BAZ1A: variants seen among roughly 807,000 people sequenced by gnomAD.
The protein encoded by BAZ1A is bromodomain adjacent to zinc finger domain 1A, also known as bromodomain adjacent to zinc finger domain protein 1A.
Under a neutral mutation model 185.2 loss-of-function variants are expected in BAZ1A, and 50 were observed. The observed-to-expected ratio is 0.27, with a 90% CI of 0.22 to 0.34. The LOEUF (loss-of-function observed/expected upper bound fraction) is 0.34, where lower values mean the gene tolerates loss of function less well. BAZ1A is among the 10% of genes least tolerant of loss of function. The pLI, the probability that BAZ1A is intolerant of heterozygous loss-of-function variation, is 1.00. For missense variants in BAZ1A, 1,356 were observed against 1,839.9 expected (o/e 0.74, Z 4.81); for synonymous variants, 571 against 615.6 (o/e 0.93, Z 1.07).
intron 12 of BAZ1A, among the ~76,000 whole-genome samples, chr14:34,791,064 G>C (rs1282981234): frequency 3.3e-5 from 5 of 152,132 alleles, no homozygotes; most frequent in Non-Finnish European, 4.4e-5. Flanking sequence ...GGAGGTTACA[G>C]TGAGTCAAGA....
chr14:34,804,983 T>A (rs1308374040), intron 6 of BAZ1A, among the ~76,000 whole-genome samples: 1 of 152,106 alleles, frequency 6.6e-6, no homozygotes, highest in East Asian at 1.9e-4. Flanking sequence ...TACTCCCCAG[T>A]GTTAAAGGGC....
At chr14:34,802,744 T>G in intron 7 of BAZ1A, 110 bp downstream of exon 7, 12 of 1,169,796 alleles carry the variant, frequency 1.0e-5, no homozygotes, top group South Asian at 1.6e-5. Context: ...GGTGAGGTAA[T>G]GAGTTTCTTC....
intron 19 of BAZ1A, among the ~76,000 whole-genome samples, 153 bp downstream of exon 19, chr14:34,774,174 A>C (rs1879432285): frequency 6.6e-6 from 1 of 152,242 alleles, no homozygotes; most frequent in Non-Finnish European, 1.5e-5. Flanking sequence ...ATTTTTATGC[A>C]GGGGAATAAA....
intron 12 of BAZ1A, among the ~76,000 whole-genome samples, chr14:34,792,509 T>C (rs1349537370): frequency 3.3e-5 from 5 of 152,290 alleles, no homozygotes; most frequent in South Asian, 4.1e-4. Flanking sequence ...AAATCTGTAA[T>C]GCTCCTAAAT....
At chr14:34,842,080 G>A (rs1373785011) in intron 3 of BAZ1A, among the ~76,000 whole-genome samples, 1 of 152,050 alleles carries the variant, frequency 6.6e-6, no homozygotes. Context: ...ACAAGTCCCT[G>A]TCTTATTCAT....
chr14:34,803,585 A>C (rs1442596918), intron 6 of BAZ1A, among the ~76,000 whole-genome samples: 2 of 151,898 alleles, frequency 1.3e-5, no homozygotes, highest in African/African-American at 4.8e-5. Context: ...AATTACATAT[A>C]TATTATACAA....
chr14:34,788,234 C>T (rs891432592), intron 12 of BAZ1A, among the ~76,000 whole-genome samples: 1 of 152,074 alleles, frequency 6.6e-6, no homozygotes, highest in African/African-American at 2.4e-5. Flanking sequence ...GCCAGGCTGA[C>T]CTTGTGATCC....
At chr14:34,868,838 C>T (rs551281592) in intron 2 of BAZ1A, among the ~76,000 whole-genome samples, 1 of 150,872 alleles carries the variant, frequency 6.6e-6, no homozygotes, top group South Asian at 2.1e-4. Flanking sequence ...CAGATAAAAA[C>T]AAAGTGTACT....
chr14:34,816,196 T>C (rs2042004437), intron 4 of BAZ1A, among the ~76,000 whole-genome samples: 1 of 148,784 alleles, frequency 6.7e-6, no homozygotes, highest in Non-Finnish European at 1.5e-5. Flanking sequence ...CAAGTGATTC[T>C]CCTGCCTCAG....
At position 34,785,989 on chromosome 14, in the gene BAZ1A, T is replaced by C. The variant is rs1880413493; in HGVS notation, c.1619A>G (p.Lys540Arg). 5.6e-6 allele frequency: 9 copies of C among 1,613,984 alleles called. No individual in the cohort carries two copies. The highest frequency in any genetic ancestry group is 6.8e-6 in the Non-Finnish European group (8 of 1,179,946). The change falls in exon 14 of 27, where the codon AAA (lysine) becomes AGA (arginine). Residue 540 changes from lysine to arginine, a missense_variant. Physicochemically the swap from Lys to Arg is conservative, Grantham distance 26. Transcript: ENST00000360310. Reference sequence around the variant, plus strand: ...AGTGCAGCTATCAAGATCCAAACTTTTCAAACTGCAGCCTATAGTTGTTAA... The same window carrying C: ...AGTGCAGCTATCAAGATCCAAACTTCTCAAACTGCAGCCTATAGTTGTTAA... ...WPQLHQGCSL[K>R]SLDLDSCTLS...
intron 3 of BAZ1A, among the ~76,000 whole-genome samples, chr14:34,842,342 T>C (rs894634345): frequency 1.3e-5 from 2 of 152,224 alleles, no homozygotes; most frequent in Non-Finnish European, 2.9e-5. Flanking sequence ...CTAGACAGCA[T>C]TCTTTCATCT....
chr14:34,753,345 T>C lies in BAZ1A; in HGVS notation c.*163A>G, dbSNP rs997057615. 3.0e-6 allele frequency: 2 copies of C among 675,166 alleles called. No homozygotes were observed. The highest frequency in any genetic ancestry group is 3.6e-5 in the African/African-American group (2 of 55,584). The allele number at this position is 675,166 out of a possible 1,614,324, so 41.8% of individuals were successfully genotyped here. A position where few individuals can be genotyped will look rare whatever the true frequency, so the allele number is the denominator to read the frequency against. ...GAACAAAACTGTAGCAAAGGATATC[T>C]TTCCTACATTCTCCTGAGTGCTTAA... On this transcript the variant is annotated 3_prime_UTR_variant, in exon 27 of 27. Coordinates refer to ENST00000360310, the MANE Select transcript of BAZ1A (RefSeq NM_013448.3).
chr14:34,773,054 C>T (rs755705002), intron 20 of BAZ1A, among the ~76,000 whole-genome samples: 7 of 151,550 alleles, frequency 4.6e-5, no homozygotes, highest in Non-Finnish European at 1.0e-4. Flanking sequence ...ACAACAAAAA[C>T]CAAGTGCATG....
chr14:34,842,089 A>G (rs2042423539), intron 3 of BAZ1A, among the ~76,000 whole-genome samples: 1 of 152,152 alleles, frequency 6.6e-6, no homozygotes, highest in African/African-American at 2.4e-5. Context: ...TGTCTTATTC[A>G]TAACCCTTTT....
rs111987251 is a variant in BAZ1A at position 34,759,726 on chromosome 14, G to A, written c.4244-880C>T. Among the ~76,000 whole-genome samples the A allele has an allele frequency of 3.2e-3, 485 of 152,072 alleles. 3 individuals carry two copies. The highest frequency in any genetic ancestry group is 0.011 in the African/African-American group (466 of 41,474). On this transcript the variant is annotated intron_variant, in intron 24 of 26. Transcript: ENST00000360310. ...GTCTTGCTTTGTCACCTAGGCTGGA[G>A]TGCAGTGGCATGATCTTGGCTCACT...
chr14:34,819,433 G>A (rs183622526), intron 4 of BAZ1A, among the ~76,000 whole-genome samples: 30 of 152,202 alleles, frequency 2.0e-4, no homozygotes, highest in African/African-American at 5.3e-4. Context: ...TTTCCAGAAT[G>A]TCATAGTTGG....
intron 17 of BAZ1A, among the ~76,000 whole-genome samples, chr14:34,778,388 G>A (rs188793564): frequency 3.3e-5 from 5 of 152,300 alleles, no homozygotes; most frequent in Admixed American, 3.3e-4. Flanking sequence ...TTTCTCTGTT[G>A]TTTCAGTTAC....
chr14:34,861,152 T>C (rs1272488961), intron 3 of BAZ1A, among the ~76,000 whole-genome samples: 2 of 152,070 alleles, frequency 1.3e-5, no homozygotes, highest in Admixed American at 1.3e-4. Context: ...AAAAAAAAAT[T>C]TGTATTCAGG....
intron 3 of BAZ1A, among the ~76,000 whole-genome samples, chr14:34,826,441 G>A (rs2042166397): frequency 6.6e-6 from 1 of 152,026 alleles, no homozygotes; most frequent in African/African-American, 2.4e-5. Context: ...TAGTTCCTTA[G>A]GTTGTAAAGT....
Sources: gnomAD v4.1 joint callset for allele counts (sites outside exome capture counted in the v4.1 genomes callset) on GRCh38, gnomAD v4.1.1 for gene constraint, MANE v1.5 for transcripts, NCBI Gene and HGNC (gene_info 2026-07-23, HGNC 2026-07-21) for gene names.